The following FILIP1L variants were observed in gnomAD, a reference collection of about 807,000 sequenced individuals.
FILIP1L encodes filamin A-interacting protein 1-like.
In FILIP1L, 55 loss-of-function variants were observed where a neutral mutation model predicts 96.6. The ratio of observed to expected loss-of-function variants is 0.57; its 90% CI spans 0.46 to 0.71. The LOEUF (loss-of-function observed/expected upper bound fraction) is 0.71, where lower values mean the gene tolerates loss of function less well. Among genes scored for constraint, FILIP1L ranks in the 30% least tolerant of loss-of-function variants. FILIP1L has a pLI of 0.00. For missense variants in FILIP1L, 1,304 were observed against 1,321.2 expected, an observed-to-expected ratio of 0.99 and a Z score of 0.20; for synonymous variants, 467 against 473.9, an observed-to-expected ratio of 0.99 and a Z score of 0.19.
intron 1 of FILIP1L, among the ~76,000 whole-genome samples, chr3:100,070,623 T>G (rs941434730): frequency 1.3e-5 from 2 of 152,096 alleles, no homozygotes; most frequent in African/African-American, 4.8e-5. Context: ...GTGGGGTTTT[T>G]TTGTTGTTGT....
chr3:99,897,425 A>G (rs1488195545), intron 4 of FILIP1L, among the ~76,000 whole-genome samples: 3 of 152,206 alleles, frequency 2.0e-5, no homozygotes, highest in Non-Finnish European at 4.4e-5. Flanking sequence ...AATACAGCTC[A>G]AAACAAAGCT....
chr3:99,914,611 C>T (rs1269271734), intron 4 of FILIP1L, among the ~76,000 whole-genome samples: 2 of 152,148 alleles, frequency 1.3e-5, no homozygotes, highest in Non-Finnish European at 2.9e-5. Context: ...TTCTCTTCTT[C>T]ATTGTTAGTA....
intron 1 of FILIP1L, among the ~76,000 whole-genome samples, chr3:100,079,115 C>T (rs1203133984): frequency 1.2e-4 from 18 of 152,098 alleles, no homozygotes. Context: ...CCTCATAATC[C>T]AGGCCTCTCT....
At chr3:99,968,069 T>C (rs1708705885) in intron 1 of FILIP1L, among the ~76,000 whole-genome samples, 1 of 152,154 alleles carries the variant, frequency 6.6e-6, no homozygotes, top group African/African-American at 2.4e-5. Flanking sequence ...GGGGAAAACA[T>C]GTACAAAGAG....
At chr3:100,107,350 T>A (rs1407230693) in intron 1 of FILIP1L, among the ~76,000 whole-genome samples, 1 of 152,184 alleles carries the variant, frequency 6.6e-6, no homozygotes, top group East Asian at 1.9e-4. Context: ...GGGTTTTAAG[T>A]AAACTAAAGT....
chr3:99,957,499 T>G (rs1708354846), intron 1 of FILIP1L, among the ~76,000 whole-genome samples: 1 of 152,118 alleles, frequency 6.6e-6, no homozygotes. Context: ...ATTAGGTTTC[T>G]GTGTGGTAAT....
intron 4 of FILIP1L, among the ~76,000 whole-genome samples, chr3:99,858,477 TA>T (rs958494185): frequency 1.3e-5 from 2 of 151,818 alleles, no homozygotes; most frequent in Non-Finnish European, 2.9e-5. Context: ...AAATAAAATT[TA>T]AAAAAAATCA....
intron 1 of FILIP1L, among the ~76,000 whole-genome samples, chr3:100,079,943 T>C (rs1576030842): frequency 6.6e-6 from 1 of 152,162 alleles, no homozygotes; most frequent in East Asian, 1.9e-4. Context: ...ATGTCATCTC[T>C]AACAAAGGTT....
chr3:99,849,245 CAGGTGG>C lies in FILIP1L; in HGVS notation c.2425_2430del (p.Pro809_Pro810del). ...TCCAGAGGAATGAGGCTCTTGTAAT[CAGGTGG>C]TTCATTGTCTACTGCTTCTGTCTGA... On this transcript the variant is annotated inframe_deletion, in exon 5 of 6. Coordinates refer to ENST00000477258, the MANE Select transcript of FILIP1L (RefSeq NM_001387850.1). 17 of 1,614,158 alleles carry C rather than the reference CAGGTGG, an allele frequency of 1.1e-5. No individual in the cohort carries two copies. Among genetic ancestry groups the C allele is most frequent in the Non-Finnish European group, 1.4e-5 (16 of 1,180,032 alleles).
At chr3:99,948,787 GAA>G (rs779366193) in intron 1 of FILIP1L, among the ~76,000 whole-genome samples, 10 of 151,376 alleles carry the variant, frequency 6.6e-5, no homozygotes, top group Admixed American at 1.3e-4. Flanking sequence ...AGAAAGGAAA[GAA>G]AAAGAGAAGA....
At chr3:100,023,743 C>T (rs1253272633) in intron 1 of FILIP1L, among the ~76,000 whole-genome samples, 1 of 152,072 alleles carries the variant, frequency 6.6e-6, no homozygotes. Context: ...CTGGTCTCGC[C>T]ATTGCAAACT....
intron 1 of FILIP1L, among the ~76,000 whole-genome samples, chr3:99,975,936 G>A (rs1708956800): frequency 6.6e-6 from 1 of 152,318 alleles, no homozygotes; most frequent in East Asian, 1.9e-4. Flanking sequence ...CCAGGCTGGA[G>A]TGCAGTGGCA....
At chr3:100,071,129 C>T (rs2065756380) in intron 1 of FILIP1L, among the ~76,000 whole-genome samples, 1 of 70,704 alleles carries the variant, frequency 1.4e-5, no homozygotes, top group South Asian at 3.9e-4. Context: ...TTAGCATTTC[C>T]AAACTTTCTT....
At chr3:100,054,499 T>C (rs2065428707) in intron 1 of FILIP1L, among the ~76,000 whole-genome samples, 1 of 131,634 alleles carries the variant, frequency 7.6e-6, no homozygotes, top group Admixed American at 7.3e-5. Flanking sequence ...TTTGTTATGT[T>C]ATGTTATGTT....
chr3:100,033,235 G>GACTGCTTGCAATT (rs1481873393), intron 1 of FILIP1L, among the ~76,000 whole-genome samples: 8 of 152,142 alleles, frequency 5.3e-5, no homozygotes, highest in Admixed American at 2.0e-4. Context: ...TGGTTTATGT[G>GACTGCTTGCAATT]TCCATTGACT....
At chr3:99,868,863 GC>G (rs1208960920) in intron 4 of FILIP1L, among the ~76,000 whole-genome samples, 2 of 152,086 alleles carry the variant, frequency 1.3e-5, no homozygotes, top group Non-Finnish European at 2.9e-5. Flanking sequence ...AGCCCTTACA[GC>G]TTTATTACCT....
chr3:99,894,688 A>T (rs1298910615), intron 4 of FILIP1L, among the ~76,000 whole-genome samples: 1 of 152,206 alleles, frequency 6.6e-6, no homozygotes, highest in Non-Finnish European at 1.5e-5. Flanking sequence ...GATATTATTA[A>T]TTATGGAGTT....
intron 1 of FILIP1L, among the ~76,000 whole-genome samples, chr3:100,110,244 G>A (rs149269365): frequency 4.6e-5 from 7 of 152,210 alleles, no homozygotes; most frequent in Non-Finnish European, 7.4e-5. Flanking sequence ...TCTTAAAATA[G>A]CTTCATTTAG....
At chr3:99,956,367 T>C (rs995218748) in intron 1 of FILIP1L, among the ~76,000 whole-genome samples, 4 of 152,190 alleles carry the variant, frequency 2.6e-5, no homozygotes, top group African/African-American at 9.7e-5. Flanking sequence ...TTGTTTGTTT[T>C]TGTGAGATGG....
Sources: allele counts gnomAD v4.1 joint callset (sites outside exome capture counted in the v4.1 genomes callset), GRCh38; gene constraint gnomAD v4.1.1; transcripts MANE v1.5; gene names NCBI Gene and HGNC (gene_info 2026-07-23, HGNC 2026-07-21).